Variants in KDM4B observed in about 807,000 individuals in gnomAD.
KDM4B encodes lysine-specific demethylase 4B.
A neutral mutation model predicts 125.2 loss-of-function variants in KDM4B; 32 were observed. The observed-to-expected ratio is 0.26, with a 90% CI of 0.19 to 0.34. KDM4B has a LOEUF of 0.34. KDM4B is among the 10% of genes least tolerant of loss of function. The pLI is 1.00. For missense variants in KDM4B, 1,190 were observed against 1,577.7 expected (o/e 0.75, Z 4.16); for synonymous variants, 721 against 677.9 (o/e 1.06, Z -0.99).
chr19:5,111,309 G>A, intron 10 of KDM4B: 1 of 723,450 alleles, frequency 1.4e-6, no homozygotes, highest in Admixed American at 1.8e-5. Context: ...TTGGATTTGA[G>A]ATCGTGGAGA....
At chr19:5,100,443 A>C (rs1432737962) in intron 9 of KDM4B, among the ~76,000 whole-genome samples, 2 of 152,098 alleles carry the variant, frequency 1.3e-5, no homozygotes, top group Non-Finnish European at 2.9e-5. Flanking sequence ...TCAAGACAGG[A>C]TCTCACTCTG....
chr19:5,149,158 G>A (rs2039902833), intron 21 of KDM4B, among the ~76,000 whole-genome samples: 1 of 152,256 alleles, frequency 6.6e-6, no homozygotes, highest in African/African-American at 2.4e-5. Context: ...CCAAGGCAGG[G>A]TCTGTGCTCC....
intron 2 of KDM4B, among the ~76,000 whole-genome samples, chr19:5,017,284 TGG>T: frequency 6.6e-6 from 1 of 152,196 alleles, no homozygotes; most frequent in Non-Finnish European, 1.5e-5. Flanking sequence ...GAAGAGGCTC[TGG>T]TCACGTGGTT....
chr19:5,002,807 C>T (rs2035433367), intron 1 of KDM4B, among the ~76,000 whole-genome samples: 1 of 151,896 alleles, frequency 6.6e-6, no homozygotes, highest in Non-Finnish European at 1.5e-5. Flanking sequence ...AAAAGTTAGC[C>T]AGGCATAGTG....
At chr19:5,003,882 T>C (rs960629027) in intron 1 of KDM4B, among the ~76,000 whole-genome samples, 14 of 152,260 alleles carry the variant, frequency 9.2e-5, no homozygotes, top group African/African-American at 3.4e-4. Flanking sequence ...CGTATATGCC[T>C]GAGTCTGTGT....
chr19:5,103,483 G>A (rs553679307), intron 9 of KDM4B, among the ~76,000 whole-genome samples: 1 of 152,198 alleles, frequency 6.6e-6, no homozygotes, highest in Non-Finnish European at 1.5e-5. Flanking sequence ...GCTGTCGGAC[G>A]CGTCAGTCTT....
chr19:4,974,522 T>G (rs1599331055), intron 1 of KDM4B, among the ~76,000 whole-genome samples: 2 of 151,808 alleles, frequency 1.3e-5, no homozygotes, highest in South Asian at 4.1e-4. Context: ...GAGGATCACC[T>G]GAGGTCAGGA....
At chr19:5,037,092 C>T (rs187502501) in intron 3 of KDM4B, among the ~76,000 whole-genome samples, 10 of 152,302 alleles carry the variant, frequency 6.6e-5, no homozygotes, top group South Asian at 2.1e-4. Context: ...GAATCGGGAG[C>T]GAAGTGTTTT....
Position 4,997,501 on chromosome 19 carries a change from G to A in KDM4B, c.-108-18756G>A, listed in dbSNP as rs559408816. Among the ~76,000 whole-genome samples, 132 of 152,262 alleles carry A rather than the reference G, an allele frequency of 8.7e-4. No homozygotes were observed. Among genetic ancestry groups the A allele is most frequent in the Admixed American group, 1.4e-3 (22 of 15,306 alleles). On this transcript the variant is annotated intron_variant, in intron 1 of 22. Coordinates refer to ENST00000159111, the MANE Select transcript of KDM4B (RefSeq NM_015015.3). The surrounding 1 kb of genome is among the most constrained non-coding windows in gnomAD (Gnocchi z 4.2). ...GGCTGGGCCTGCGTACCCAGTGGGT[G>A]GCGCTCAGGTCTGCAGCTGCCTCCT...
At chr19:4,984,397 C>T (rs1168913129) in intron 1 of KDM4B, among the ~76,000 whole-genome samples, 1 of 152,172 alleles carries the variant, frequency 6.6e-6, no homozygotes, top group East Asian at 1.9e-4. Flanking sequence ...TGGAAGTGAT[C>T]ATAAAGCAAC....
chr19:5,047,308 G>T (rs1037550657), intron 5 of KDM4B, among the ~76,000 whole-genome samples, 168 bp from the exon 6 acceptor site: 1 of 152,088 alleles, frequency 6.6e-6, no homozygotes, highest in Non-Finnish European at 1.5e-5. Context: ...GTTAAGACCA[G>T]CCCCTGGTCT....
chr19:4,986,252 G>T (rs1449209747), intron 1 of KDM4B, among the ~76,000 whole-genome samples: 3 of 152,232 alleles, frequency 2.0e-5, no homozygotes, highest in African/African-American at 4.8e-5. Flanking sequence ...GGCAGCGCTT[G>T]GTTTGGAGTC....
intron 1 of KDM4B, among the ~76,000 whole-genome samples, chr19:5,013,901 C>T (rs993978636): frequency 1.2e-4 from 19 of 152,312 alleles, no homozygotes; most frequent in African/African-American, 4.6e-4. Flanking sequence ...TCGGGTAGGC[C>T]TGGGCAGGTG....
intron 5 of KDM4B, among the ~76,000 whole-genome samples, chr19:5,045,096 G>GACAA (rs1385147888): frequency 6.6e-6 from 1 of 152,178 alleles, no homozygotes; most frequent in Non-Finnish European, 1.5e-5. Flanking sequence ...GTGGTGAGAG[G>GACAA]ACGTTTAGTT....
intron 7 of KDM4B, 60 bp downstream of exon 7, chr19:5,071,119 G>A (rs1362488196): frequency 1.3e-6 from 2 of 1,529,452 alleles, no homozygotes; most frequent in Non-Finnish European, 1.8e-6. Flanking sequence ...GCCTGTGGGT[G>A]GGGAAGGGCA....
intron 2 of KDM4B, among the ~76,000 whole-genome samples, chr19:5,030,316 G>A (rs573064241): frequency 1.7e-4 from 26 of 152,312 alleles, no homozygotes; most frequent in Admixed American, 4.6e-4. Context: ...CCCTTGGGCC[G>A]TCCAGCCCTG....
chr19:4,981,262 A>G (rs1000654490), intron 1 of KDM4B, among the ~76,000 whole-genome samples: 5 of 152,084 alleles, frequency 3.3e-5, no homozygotes, highest in Middle Eastern at 6.8e-3. Flanking sequence ...ACCCCTGGTG[A>G]GCAGGACCCC....
At chr19:5,073,436 G>A (rs12983032) in intron 7 of KDM4B, among the ~76,000 whole-genome samples, 50,094 of 152,192 alleles carry the variant, frequency 0.33, 8,947 homozygotes, top group East Asian at 0.68. Flanking sequence ...TCACCCAGGC[G>A]GGCCCCTCCT....
intron 5 of KDM4B, among the ~76,000 whole-genome samples, chr19:5,043,259 CCG>C: frequency 7.8e-6 from 1 of 128,806 alleles, no homozygotes; most frequent in African/African-American, 3.0e-5. Context: ...CCACCTTATC[CCG>C]TGCTGTGTTT....
Sources: allele counts gnomAD v4.1 joint callset (sites outside exome capture counted in the v4.1 genomes callset), GRCh38; gene constraint gnomAD v4.1.1; non-coding constraint Gnocchi (gnomAD v3.1); transcripts MANE v1.5; gene names NCBI Gene and HGNC (gene_info 2026-07-23, HGNC 2026-07-21).